BMPR2: variants seen among roughly 807,000 people sequenced by gnomAD.
BMPR2 encodes the protein bone morphogenetic protein receptor type 2.
In BMPR2, 29 loss-of-function variants were observed where a neutral mutation model predicts 100.8. The ratio of observed to expected loss-of-function variants is 0.29; its 90% CI spans 0.21 to 0.39. BMPR2 has a LOEUF of 0.39. Ranked by LOEUF, BMPR2 falls within the 10% of genes least tolerant of loss-of-function variation. The probability of loss-of-function intolerance (pLI) is 1.00; values close to 1 mark genes in which losing one functional copy is unlikely to be tolerated. For synonymous variants in BMPR2, 382 were observed against 442.3 expected (o/e 0.86, Z 1.71); for missense variants, 1,011 against 1,274.5 (o/e 0.79, Z 3.15).
intron 7 of BMPR2, among the ~76,000 whole-genome samples, chr2:202,524,878 T>C (rs931204105): frequency 6.7e-5 from 10 of 148,962 alleles, no homozygotes; most frequent in Non-Finnish European, 1.0e-4. Context: ...ACTAAAAATA[T>C]CAAAAAAAAA....
intron 10 of BMPR2, among the ~76,000 whole-genome samples, chr2:202,546,404 T>G (rs1273985698): frequency 8.5e-5 from 13 of 152,162 alleles, no homozygotes; most frequent in Admixed American, 8.5e-4. Flanking sequence ...AAGCATAGTT[T>G]AGTCAATAAA....
At chr2:202,430,154 A>G (rs778475006) in intron 1 of BMPR2, among the ~76,000 whole-genome samples, 3 of 152,216 alleles carry the variant, frequency 2.0e-5, no homozygotes, top group Non-Finnish European at 4.4e-5. Context: ...AAGGCCATCA[A>G]TGCATTTGGA....
chr2:202,457,559 TATAGAGAGAGAGAGAGAGAGAG>T (rs1226972114), intron 1 of BMPR2, among the ~76,000 whole-genome samples: 58 of 89,074 alleles, frequency 6.5e-4, no homozygotes, highest in African/African-American at 3.0e-3. Context: ...TATATATATA[TATAGAGAGAGAGAGAGAGAGAG>T]AGAGAGAGAG....
rs1417319607 is a variant in BMPR2, at chr2:202,561,154, G to GA, written c.*1213dup. 6.6e-6 allele frequency: 1 copy of GA among 152,022 alleles called. No individual in the cohort carries two copies. The highest frequency in any genetic ancestry group is 1.5e-5 in the Non-Finnish European group (1 of 67,982). The allele number at this position is 152,022 out of a possible 1,614,324, so 9.4% of individuals were successfully genotyped here. A position where few individuals can be genotyped will look rare whatever the true frequency, so the allele number is the denominator to read the frequency against. Reference sequence around the variant, plus strand: ...TTCCCATGACCTAAAACACTGTGAGGAAAAATCATTCAAGTGGCATGCCAA... The same window carrying GA: ...TTCCCATGACCTAAAACACTGTGAGGAAAAAATCATTCAAGTGGCATGCCAA... On this transcript the variant is annotated 3_prime_UTR_variant, in exon 13 of 13. Transcript: ENST00000374580.
rs879612508 is a variant in BMPR2, at chr2:202,532,480, A to G, written c.1129-105A>G. The G allele has an allele frequency of 1.5e-5, 21 of 1,391,192 alleles. No homozygotes were observed. In the African/African-American group the frequency reaches 2.4e-4, roughly 16 times the overall value. The allele number at this position is 1,391,192 out of a possible 1,614,324, so 86.2% of individuals were successfully genotyped here. On this transcript the variant is annotated intron_variant, in intron 8 of 12. Coordinates refer to ENST00000374580, the MANE Select transcript of BMPR2 (RefSeq NM_001204.7). This position sits in a 1 kb window ranked among gnomAD's most constrained non-coding sequence, Gnocchi z 4.1. ...AGGTTTAATGACATGGTTAGGGTCA[A>G]ATAACATTGACATGACTAAGATTTA...
intron 1 of BMPR2, among the ~76,000 whole-genome samples, chr2:202,438,261 C>T (rs1404490980): frequency 6.7e-6 from 1 of 150,292 alleles, no homozygotes; most frequent in African/African-American, 2.5e-5. Flanking sequence ...TGCGGTGAGC[C>T]AAGATCACGC....
chr2:202,419,502 G>A (rs1018654184), intron 1 of BMPR2, among the ~76,000 whole-genome samples: 1 of 151,958 alleles, frequency 6.6e-6, no homozygotes, highest in Non-Finnish European at 1.5e-5. Flanking sequence ...GATTACAGGC[G>A]CGTGCCACCA....
intron 1 of BMPR2, among the ~76,000 whole-genome samples, chr2:202,432,980 G>C (rs1691537650): frequency 6.6e-6 from 1 of 150,412 alleles, no homozygotes; most frequent in Non-Finnish European, 1.5e-5. Flanking sequence ...AGCTGGTAAG[G>C]TGGTATCTAG....
intron 4 of BMPR2, 93 bp from the exon 5 acceptor site, chr2:202,514,795 G>T: frequency 9.8e-7 from 1 of 1,018,704 alleles, no homozygotes; most frequent in Non-Finnish European, 1.5e-6. Flanking sequence ...TCTTTCTGCA[G>T]CTCTTCTTTT....
intron 1 of BMPR2, among the ~76,000 whole-genome samples, chr2:202,462,878 A>AT (rs1692250899): frequency 6.6e-6 from 1 of 151,746 alleles, no homozygotes; most frequent in Admixed American, 6.6e-5. Context: ...TGCCCGGCTA[A>AT]TTTTTTGTAT....
At chr2:202,468,756 T>A (rs1385114751) in intron 3 of BMPR2, among the ~76,000 whole-genome samples, 2 of 151,950 alleles carry the variant, frequency 1.3e-5, no homozygotes, top group East Asian at 1.9e-4. Context: ...AAGAAAAAAA[T>A]AAGATCTCTA....
intron 9 of BMPR2, among the ~76,000 whole-genome samples, chr2:202,534,413 G>A (rs887870191): frequency 6.6e-6 from 1 of 151,662 alleles, no homozygotes; most frequent in African/African-American, 2.4e-5. Context: ...GCGGCCTTCC[G>A]CAGTGTTTGT....
intron 1 of BMPR2, among the ~76,000 whole-genome samples, chr2:202,394,104 C>G (rs1221856421): frequency 1.3e-5 from 2 of 152,124 alleles, no homozygotes; most frequent in Non-Finnish European, 2.9e-5. Context: ...AATCCCAGCA[C>G]TTTGGGAGGA....
At position 202,503,114 on chromosome 2, in the gene BMPR2, C is replaced by G. The variant is rs1371107870; in HGVS notation, c.419-10605C>G. ...GAAGGACACTACAACTGCAGAGCCCCTTCTTTGCCCCTATCCAGCAGGAAA... is the reference window on the plus strand; with the variant it reads ...GAAGGACACTACAACTGCAGAGCCCGTTCTTTGCCCCTATCCAGCAGGAAA... On this transcript the variant is annotated intron_variant, in intron 3 of 12. Transcript: ENST00000374580. This position sits in a 1 kb window ranked among gnomAD's most constrained non-coding sequence, Gnocchi z 4.0. 6.6e-6 allele frequency among the ~76,000 whole-genome samples: 1 copy of G among 152,236 alleles called. No individual in the cohort carries two copies. The highest frequency in any genetic ancestry group is 1.5e-5 in the Non-Finnish European group (1 of 68,038).
intron 5 of BMPR2, among the ~76,000 whole-genome samples, chr2:202,517,090 C>T (rs188860222): frequency 7.2e-5 from 11 of 151,888 alleles, no homozygotes; most frequent in Non-Finnish European, 1.5e-4. Context: ...TATCATGGCA[C>T]GCGCCTGTAA....
chr2:202,525,853 G>T, intron 7 of BMPR2, among the ~76,000 whole-genome samples: 1 of 130,568 alleles, frequency 7.7e-6, no homozygotes, highest in Non-Finnish European at 1.6e-5. Flanking sequence ...GTTGTTCAGA[G>T]CATCTTTTTT....
At chr2:202,554,657 A>G (rs529439042) in intron 11 of BMPR2, among the ~76,000 whole-genome samples, 140 of 152,240 alleles carry the variant, frequency 9.2e-4, no homozygotes, top group Non-Finnish European at 1.7e-3. Context: ...TTTGAACATC[A>G]TATTCTGCCT....
In BMPR2 at chr2:202,562,268, A is replaced by C. The variant is rs900792896; in HGVS notation, c.*2322A>C. ...TGGGCCAGTTGATTGTAGGTTGTCC[A>C]ACATTTTTTAATATTGGGAAAATTA... On this transcript the variant is annotated 3_prime_UTR_variant, in exon 13 of 13. Coordinates refer to ENST00000374580, the MANE Select transcript of BMPR2 (RefSeq NM_001204.7). 1 of 152,580 alleles carries C rather than the reference A, an allele frequency of 6.6e-6. No individual in the cohort carries two copies. Among genetic ancestry groups the C allele is most frequent in the Admixed American group, 6.5e-5 (1 of 15,274 alleles). The allele number at this position is 152,580 out of a possible 1,614,324, so 9.5% of individuals were successfully genotyped here.
rs1000654235 is a variant in BMPR2 at position 202,495,379 on chromosome 2, T to C, written c.419-18340T>C. ...CTGCCCCAGCCAAACTCCGCGTCGT[T>C]GTCGTTCTGTCGACGGCCTGCCGGC... On this transcript the variant is annotated intron_variant, in intron 3 of 12. Coordinates refer to ENST00000374580, the MANE Select transcript of BMPR2 (RefSeq NM_001204.7). This position sits in a 1 kb window ranked among gnomAD's most constrained non-coding sequence, Gnocchi z 4.5. 5.9e-5 allele frequency among the ~76,000 whole-genome samples: 9 copies of C among 152,202 alleles called. No individual in the cohort carries two copies. The highest frequency in any genetic ancestry group is 1.3e-4 in the Admixed American group (2 of 15,266).
Sources: gnomAD v4.1 joint callset for allele counts (sites outside exome capture counted in the v4.1 genomes callset) on GRCh38, gnomAD v4.1.1 for gene constraint, Gnocchi (gnomAD v3.1) non-coding constraint, MANE v1.5 for transcripts, NCBI Gene and HGNC (gene_info 2026-07-23, HGNC 2026-07-21) for gene names.